The following PARD3B variants were observed in gnomAD, a reference collection of about 807,000 sequenced individuals.
The protein encoded by PARD3B is partitioning defective 3 homolog B.
In PARD3B, 103 loss-of-function variants were observed where a neutral mutation model predicts 130.2. The ratio of observed to expected loss-of-function variants is 0.79; its 90% CI spans 0.67 to 0.93. PARD3B has a LOEUF of 0.93. Ranked by LOEUF, PARD3B falls within the 40% of genes least tolerant of loss-of-function variation. The pLI, the probability that PARD3B is intolerant of heterozygous loss-of-function variation, is 0.00. For missense variants in PARD3B, 1,609 were observed against 1,499.2 expected, an observed-to-expected ratio of 1.07 and a Z score of -1.21; for synonymous variants, 583 against 553.2, an observed-to-expected ratio of 1.05 and a Z score of -0.76.
chr2:205,532,981 TCTG>T (rs1335107866), intron 21 of PARD3B, among the ~76,000 whole-genome samples: 3 of 152,210 alleles, frequency 2.0e-5, no homozygotes, highest in Non-Finnish European at 4.4e-5. Flanking sequence ...GTGTGTGTGT[TCTG>T]CTTTTGCCAG....
intron 3 of PARD3B, among the ~76,000 whole-genome samples, chr2:205,002,092 T>C (rs1694888132): frequency 6.6e-6 from 1 of 152,188 alleles, no homozygotes; most frequent in South Asian, 2.1e-4. Context: ...GTGAGTAGTT[T>C]AAAAACCCAA....
Position 204,623,955 on chromosome 2 carries a change from C to T in PARD3B, c.121-62226C>T, listed in dbSNP as rs931814692. ...TTTGCATACCATAATGTCTACAGTT[C>T]TGTCCATGTCATTGGCAGGACTTTC... On this transcript the variant is annotated intron_variant, in intron 1 of 22. Transcript: ENST00000406610. The surrounding 1 kb of genome is among the most constrained non-coding windows in gnomAD (Gnocchi z 4.5). 6.6e-6 allele frequency among the ~76,000 whole-genome samples: 1 copy of T among 152,168 alleles called. No homozygotes were observed. The highest frequency in any genetic ancestry group is 1.5e-5 in the Non-Finnish European group (1 of 68,012).
chr2:205,018,015 A>C (rs1231719028), intron 3 of PARD3B, among the ~76,000 whole-genome samples: 1 of 152,214 alleles, frequency 6.6e-6, no homozygotes, highest in African/African-American at 2.4e-5. Context: ...TTCATTCCTT[A>C]AATGTAAACA....
In PARD3B at chr2:205,268,580, T is replaced by C. The variant is rs2105790083; in HGVS notation, c.2185+22758T>C. Reference sequence around the variant, plus strand: ...TGATTTGAAATCAGGTGGAAAGTGCTCTAATGCCACTAGTATTAGGAGGCG... The same window carrying C: ...TGATTTGAAATCAGGTGGAAAGTGCCCTAATGCCACTAGTATTAGGAGGCG... On this transcript the variant is annotated intron_variant, in intron 16 of 22. Transcript: ENST00000406610. The surrounding 1 kb of genome is among the most constrained non-coding windows in gnomAD (Gnocchi z 4.1). Among the ~76,000 whole-genome samples the C allele has an allele frequency of 6.6e-6, 1 of 152,252 alleles. No homozygotes were observed. The highest frequency in any genetic ancestry group is 1.9e-4 in the East Asian group (1 of 5,186).
chr2:204,622,057 C>T (rs2034322238), intron 1 of PARD3B, among the ~76,000 whole-genome samples: 1 of 152,148 alleles, frequency 6.6e-6, no homozygotes, highest in Non-Finnish European at 1.5e-5. Flanking sequence ...TTCACATGTA[C>T]AGTGACAGTT....
At chr2:205,599,942 A>C (rs1253512730) in intron 22 of PARD3B, among the ~76,000 whole-genome samples, 1 of 152,118 alleles carries the variant, frequency 6.6e-6, no homozygotes, top group Non-Finnish European at 1.5e-5. Context: ...CCATGCTTTC[A>C]TCCGAGAGTG....
At chr2:205,239,356 C>A (rs377009686) in intron 15 of PARD3B, among the ~76,000 whole-genome samples, 1 of 152,134 alleles carries the variant, frequency 6.6e-6, no homozygotes, top group Non-Finnish European at 1.5e-5. Flanking sequence ...GTCTGTCTGA[C>A]CTTCCACTCT....
At chr2:204,645,926 CT>C (rs2035255364) in intron 1 of PARD3B, among the ~76,000 whole-genome samples, 1 of 152,088 alleles carries the variant, frequency 6.6e-6, no homozygotes, top group Non-Finnish European at 1.5e-5. Context: ...CTAGATGTGA[CT>C]GCTATAACGT....
chr2:205,111,463 A>C (rs1046252302), intron 5 of PARD3B, among the ~76,000 whole-genome samples: 2 of 152,042 alleles, frequency 1.3e-5, no homozygotes, highest in African/African-American at 4.8e-5. Flanking sequence ...GGCTTTCTTA[A>C]GTGAATGTAA....
At chr2:205,289,658 C>G (rs1402375341) in intron 16 of PARD3B, among the ~76,000 whole-genome samples, 1 of 151,908 alleles carries the variant, frequency 6.6e-6, no homozygotes, top group Non-Finnish European at 1.5e-5. Flanking sequence ...ATAGGTGGGA[C>G]CTTTGGGAGA....
intron 2 of PARD3B, among the ~76,000 whole-genome samples, chr2:204,814,941 A>G (rs2043094470): frequency 6.6e-6 from 1 of 151,882 alleles, no homozygotes; most frequent in South Asian, 2.1e-4. Context: ...ACTTAGTCAC[A>G]TTATATTTTC....
In PARD3B at chr2:205,401,013, A is replaced by G. The variant is rs759850605; in HGVS notation, c.2631A>G (p.Arg877=). ...AGCCTTCTCCTTCACGTTTCACTAG[A>G]TTTGGAAAGAAGAAAGAGGATAAGG... ...IKKKGFGAML[R]FGKKKEDKGG... The change falls in exon 19 of 23, where the codon AGA becomes AGG. Residue 877 remains arginine (R), a splice_region_variant and synonymous_variant. Transcript: ENST00000406610. 1.3e-6 allele frequency: 2 copies of G among 1,590,238 alleles called. No individual in the cohort carries two copies. The highest frequency in any genetic ancestry group is 2.3e-5 in the South Asian group (2 of 86,834).
At chr2:204,672,945 A>G (rs866990870) in intron 1 of PARD3B, among the ~76,000 whole-genome samples, 2 of 152,246 alleles carry the variant, frequency 1.3e-5, no homozygotes, top group Non-Finnish European at 1.5e-5. Context: ...TGCCTTTGGA[A>G]TGTAAGAGTC....
At chr2:204,759,655 TA>T (rs1397922054) in intron 2 of PARD3B, among the ~76,000 whole-genome samples, 1 of 152,104 alleles carries the variant, frequency 6.6e-6, no homozygotes, top group Non-Finnish European at 1.5e-5. Flanking sequence ...TGTAAATGTA[TA>T]AATTACTAGT....
At chr2:205,007,810 C>G (rs1039897963) in intron 3 of PARD3B, among the ~76,000 whole-genome samples, 5 of 152,132 alleles carry the variant, frequency 3.3e-5, no homozygotes, top group African/African-American at 9.7e-5. Context: ...TATTGATTCT[C>G]TCATCCATGA....
rs1309354878 is a variant in PARD3B, at chr2:204,664,091, A to ATATGTTCTAACCCC, written c.121-22090_121-22089insTATGTTCTAACCCC. Among the ~76,000 whole-genome samples, 20 of 152,176 alleles carry ATATGTTCTAACCCC rather than the reference A, an allele frequency of 1.3e-4. No individual in the cohort carries two copies. Among genetic ancestry groups the ATATGTTCTAACCCC allele is most frequent in the African/African-American group, 4.1e-4 (17 of 41,448 alleles). ...TTTATTTGATTTATGACCTGAGGCT[A>ATATGTTCTAACCCC]ATACTGTGGCTTGGATATGTTCTAA... On this transcript the variant is annotated intron_variant, in intron 1 of 22. Coordinates refer to ENST00000406610, the MANE Select transcript of PARD3B (RefSeq NM_001302769.2). This position sits in a 1 kb window ranked among gnomAD's most constrained non-coding sequence, Gnocchi z 5.2.
chr2:205,615,414 A>G lies in PARD3B; in HGVS notation c.3261-42A>G, dbSNP rs2055390387. 4.6e-6 allele frequency: 7 copies of G among 1,511,806 alleles called. No homozygotes were observed. The South Asian group carries it at 9.1e-5, about 20-fold the overall frequency. The allele number at this position is 1,511,806 out of a possible 1,614,324, so 93.6% of individuals were successfully genotyped here. A position where few individuals can be genotyped will look rare whatever the true frequency, so the allele number is the denominator to read the frequency against. ...GAACATGTTCTCCAGCCGGACGGCC[A>G]GCTTAGGAGCTGCTAACATGTGTCT... On this transcript the variant is annotated intron_variant, in intron 22 of 22. Transcript: ENST00000406610.
intron 4 of PARD3B, among the ~76,000 whole-genome samples, chr2:205,088,041 G>A (rs1701849601): frequency 6.6e-6 from 1 of 152,184 alleles, no homozygotes; most frequent in Non-Finnish European, 1.5e-5. Context: ...ATGGCATCTA[G>A]ATGAATGTGA....
At position 204,694,725 on chromosome 2, in the gene PARD3B, T is replaced by G. The variant is rs572449290; in HGVS notation, c.222+8443T>G. On this transcript the variant is annotated intron_variant, in intron 2 of 22. Coordinates refer to ENST00000406610, the MANE Select transcript of PARD3B (RefSeq NM_001302769.2). ...GATAGTAACTTAAACTACAGTAATC[T>G]TGATGATGGCCATGTCAGATATGTG... is the stretch of plus-strand genomic sequence containing the variant. 4.3e-4 allele frequency among the ~76,000 whole-genome samples: 66 copies of G among 152,210 alleles called. 1 individual carries two copies. The South Asian group carries it at 0.013, about 30-fold the overall frequency.
Sources: allele counts gnomAD v4.1 joint callset (sites outside exome capture counted in the v4.1 genomes callset), GRCh38; gene constraint gnomAD v4.1.1; non-coding constraint Gnocchi (gnomAD v3.1); transcripts MANE v1.5; gene names NCBI Gene and HGNC (gene_info 2026-07-23, HGNC 2026-07-21).